DNAH12: variants seen among roughly 807,000 people sequenced by gnomAD.
DNAH12 encodes axonemal beta dynein heavy chain 12.
In DNAH12, 285 loss-of-function variants were observed where a neutral mutation model predicts 371.5. The ratio of observed to expected loss-of-function variants is 0.77; its 90% confidence interval spans 0.70 to 0.85. The LOEUF (loss-of-function observed/expected upper bound fraction) is 0.85, where lower values mean the gene tolerates loss of function less well. DNAH12 is among the 40% of genes least tolerant of loss of function. DNAH12 has a pLI of 0.00. For missense variants in DNAH12, 3,611 were observed against 3,689.4 expected, an observed-to-expected ratio of 0.98 and a Z score of 0.55; for synonymous variants, 1,200 against 1,213.0, an observed-to-expected ratio of 0.99 and a Z score of 0.22.
intron 25 of DNAH12, among the ~76,000 whole-genome samples, chr3:57,448,015 C>A (rs1278862587): frequency 1.9e-4 from 29 of 152,108 alleles, no homozygotes; most frequent in Admixed American, 1.9e-3. Flanking sequence ...ATTGTTAATG[C>A]CCATTAACTT....
intron 65 of DNAH12, among the ~76,000 whole-genome samples, chr3:57,320,849 CTTCTCTT>C (rs1455253236): frequency 6.6e-6 from 1 of 152,212 alleles, no homozygotes; most frequent in Admixed American, 6.5e-5. Context: ...CATTCTTTTA[CTTCTCTT>C]ACCCCAGCTT....
intron 43 of DNAH12, among the ~76,000 whole-genome samples, chr3:57,402,234 C>A (rs554123833): frequency 6.6e-6 from 1 of 152,162 alleles, no homozygotes; most frequent in South Asian, 2.1e-4. Context: ...AAATCCATTT[C>A]TCTATGCTAA....
Position 57,470,541 on chromosome 3 carries a change from T to G in DNAH12, c.2007A>C (p.Glu669Asp). 3 of 1,550,296 alleles carry G rather than the reference T, an allele frequency of 1.9e-6. No individual in the cohort carries two copies. The highest frequency in any genetic ancestry group is 1.7e-6 in the Non-Finnish European group (2 of 1,146,674). ...INKEEELFKWELTKYPELDKL... is the reference protein window; with the variant it reads ...INKEEELFKWDLTKYPELDKL... ...TATCCAGTTCAGGATATTTTGTCAATTCCCACTTGAAAAGTTCCTCTTCTT... is the reference window on the plus strand; with the variant it reads ...TATCCAGTTCAGGATATTTTGTCAAGTCCCACTTGAAAAGTTCCTCTTCTT... The change falls in exon 16 of 74, where the codon GAA becomes GAC. Residue 669 changes from glutamate (E) to aspartate (D), a missense_variant. By Grantham distance (45) the Glu-to-Asp change is conservative (BLOSUM62 2). This residue lies in a region of DNAH12 where 1,314 missense variants were observed against 1,398.7 expected (regional missense o/e 0.94). Coordinates refer to ENST00000495027, the MANE Select transcript of DNAH12 (RefSeq NM_001366028.2).
At chr3:57,370,035 T>C (rs2063136961) in intron 55 of DNAH12, among the ~76,000 whole-genome samples, 1 of 152,148 alleles carries the variant, frequency 6.6e-6, no homozygotes, top group Non-Finnish European at 1.5e-5. Context: ...TTACTCTAGG[T>C]ATGAAAATAA....
At chr3:57,295,649 A>G in intron 72 of DNAH12, 57 bp from the exon 73 acceptor site, 1 of 1,417,754 alleles carries the variant, frequency 7.1e-7, no homozygotes, top group Non-Finnish European at 9.5e-7. Context: ...ACTTCTGAGA[A>G]CAGATTGCTA....
chr3:57,434,464 A>G (rs1362598161), intron 30 of DNAH12, among the ~76,000 whole-genome samples: 3 of 152,200 alleles, frequency 2.0e-5, no homozygotes, highest in African/African-American at 7.2e-5. Flanking sequence ...TACTATATAT[A>G]AATGAGAAAT....
rs6445902 is a variant in DNAH12 at position 57,508,411 on chromosome 3, A to C, written c.672T>G (p.Asp224Glu). ...LLDLGYTTFA[D>E]TVLLDFTGIR... is the part of the protein sequence containing the mutation. Reference sequence around the variant, plus strand: ...TTCCTGTGAAGTCCAACAAAACTGTATCAGCAAATGTTGTATAACCAAGGT... The same window carrying C: ...TTCCTGTGAAGTCCAACAAAACTGTCTCAGCAAATGTTGTATAACCAAGGT... The change falls in exon 7 of 74, where the codon GAT becomes GAG. Residue 224 changes from aspartate to glutamate, a missense_variant. Around this residue, in one of 3 missense-constraint regions of DNAH12, gnomAD observed 1,314 missense variants for 1,398.7 expected, o/e 0.94. Transcript: ENST00000495027. 306,316 of 1,605,692 alleles carry C rather than the reference A, an allele frequency of 0.19. 33,301 individuals are homozygous for C. Among genetic ancestry groups the C allele is most frequent in the African/African-American group, 0.48 (35,318 of 74,286 alleles).
chr3:57,307,517 T>C (rs886221984), intron 69 of DNAH12, among the ~76,000 whole-genome samples: 4 of 152,224 alleles, frequency 2.6e-5, no homozygotes, highest in Admixed American at 2.6e-4. Flanking sequence ...CCCTCAAGTC[T>C]GCGTGCAGTG....
chr3:57,499,194 C>A (rs1231221855), intron 11 of DNAH12, among the ~76,000 whole-genome samples: 1 of 152,024 alleles, frequency 6.6e-6, no homozygotes, highest in Non-Finnish European at 1.5e-5. Context: ...AGCATGTCAG[C>A]AGTTTCCTGA....
chr3:57,526,683 G>A (rs1194095714), intron 2 of DNAH12, among the ~76,000 whole-genome samples: 2 of 150,998 alleles, frequency 1.3e-5, no homozygotes, highest in Non-Finnish European at 1.5e-5. Flanking sequence ...GCACCACCAC[G>A]CCCAGCTAAT....
intron 53 of DNAH12, among the ~76,000 whole-genome samples, 192 bp from the exon 54 acceptor site, chr3:57,376,157 G>A (rs1227252948): frequency 6.6e-6 from 1 of 151,628 alleles, no homozygotes; most frequent in Non-Finnish European, 1.5e-5. Flanking sequence ...TTATGTGAAT[G>A]ACAATCTTCC....
At chr3:57,398,807 C>T (rs956757138) in intron 43 of DNAH12, among the ~76,000 whole-genome samples, 2 of 152,068 alleles carry the variant, frequency 1.3e-5, no homozygotes, top group African/African-American at 2.4e-5. Flanking sequence ...AAAGGGAATC[C>T]TTCAAGTTGA....
In DNAH12 at chr3:57,334,182, G is replaced by C. The variant is rs189231040; in HGVS notation, c.9978+283C>G. Reference sequence around the variant, plus strand: ...CACGGCTTAAAAAATAATTAACAAAGTATCAATTACATTATATTACATTAG... The same window carrying C: ...CACGGCTTAAAAAATAATTAACAAACTATCAATTACATTATATTACATTAG... On this transcript the variant is annotated intron_variant, in intron 62 of 73. Coordinates refer to ENST00000495027, the MANE Select transcript of DNAH12 (RefSeq NM_001366028.2). Among the ~76,000 whole-genome samples, 369 of 152,246 alleles carry C rather than the reference G, an allele frequency of 2.4e-3. 3 individuals carry two copies. The highest frequency in any genetic ancestry group is 8.4e-3 in the African/African-American group (347 of 41,540).
chr3:57,397,008 T>C (rs957316446), intron 43 of DNAH12, among the ~76,000 whole-genome samples: 177 of 152,198 alleles, frequency 1.2e-3, no homozygotes, highest in African/African-American at 3.8e-3. Context: ...CTGGGTGACA[T>C]AGTGAGAGTC....
At chr3:57,502,987 A>C (rs1270568267) in intron 9 of DNAH12, among the ~76,000 whole-genome samples, 1 of 152,234 alleles carries the variant, frequency 6.6e-6, no homozygotes, top group Non-Finnish European at 1.5e-5. Context: ...GCCTATATGT[A>C]GATCTTATAC....
chr3:57,385,328 A>G (rs1204065859), intron 48 of DNAH12, 21 bp downstream of exon 48: 3 of 152,322 alleles, frequency 2.0e-5, no homozygotes, highest in East Asian at 3.9e-4. Flanking sequence ...TTTGACATCA[A>G]AAACATTCAG....
In DNAH12 at chr3:57,457,798, C is replaced by T. The variant is rs1190576605; in HGVS notation, c.3259G>A (p.Ala1087Thr). 6.4e-7 allele frequency: 1 copy of T among 1,551,568 alleles called. No individual in the cohort carries two copies. The highest frequency in any genetic ancestry group is 1.2e-5 in the South Asian group (1 of 84,058). Reference protein sequence around the residue: ...ALISTSAARGAVEKWLIQVED... With the variant: ...ALISTSAARGTVEKWLIQVED... ...ACTTGAATGAGCCACTTTTCCACAG[C>T]ACCCCGCGCTGCAGACGTGGAAATG... Residue 1087 changes from alanine to threonine, a missense_variant, in exon 22 of 74, where the codon GCT becomes ACT. Physicochemically the swap from Ala to Thr is moderately conservative, Grantham distance 58. This residue lies in a region of DNAH12 where 1,314 missense variants were observed against 1,398.7 expected (regional missense o/e 0.94). Transcript: ENST00000495027.
At chr3:57,424,956 ATAAACATCATG>A (rs757120141) in intron 35 of DNAH12, 55 bp downstream of exon 35, 2 of 661,330 alleles carry the variant, frequency 3.0e-6, no homozygotes, top group Non-Finnish European at 5.5e-6. Flanking sequence ...CTTTCTCAAT[ATAAACATCATG>A]TACCAGAAGC....
chr3:57,391,256 T>C (rs2063616685), intron 45 of DNAH12, among the ~76,000 whole-genome samples: 2 of 152,204 alleles, frequency 1.3e-5, no homozygotes, highest in South Asian at 4.1e-4. Context: ...CCAATTGTCC[T>C]TGTCCAGTTT....
Sources: allele counts gnomAD v4.1 joint callset (sites outside exome capture counted in the v4.1 genomes callset), GRCh38; gene constraint gnomAD v4.1.1; regional missense constraint gnomAD v4.1.1; transcripts MANE v1.5; gene names NCBI Gene and HGNC (gene_info 2026-07-23, HGNC 2026-07-21).